The following VPS54 variants were observed in gnomAD, a reference collection of about 807,000 sequenced individuals.
VPS54 encodes vacuolar protein sorting-associated protein 54.
VPS54 carries 45 observed loss-of-function variants against 121.5 expected under a neutral mutation model. That is an observed-to-expected ratio of 0.37 (90% CI 0.29 to 0.47). VPS54 has a LOEUF of 0.47. Among genes scored for constraint, VPS54 ranks in the 20% least tolerant of loss-of-function variants. The pLI, the probability that VPS54 is intolerant of heterozygous loss-of-function variation, is 0.99. For synonymous variants in VPS54, 371 were observed against 385.8 expected (o/e 0.96, Z 0.45); for missense variants, 1,090 against 1,131.4 (o/e 0.96, Z 0.52).
At chr2:63,964,991 T>C (rs992683211) in intron 6 of VPS54, among the ~76,000 whole-genome samples, 3 of 152,182 alleles carry the variant, frequency 2.0e-5, no homozygotes, top group Non-Finnish European at 2.9e-5. Context: ...TTCTGGACTA[T>C]GACATTGTAA....
At chr2:63,913,722 C>G (rs1043002274) in intron 17 of VPS54, 6 of 438,632 alleles carry the variant, frequency 1.4e-5, no homozygotes, top group Non-Finnish European at 1.9e-5. Context: ...TTCCTCCGTA[C>G]TGGTAGTTTA....
At chr2:63,928,213 G>A (rs927627810) in intron 12 of VPS54, among the ~76,000 whole-genome samples, 6 of 152,038 alleles carry the variant, frequency 3.9e-5, no homozygotes, top group Non-Finnish European at 7.4e-5. Flanking sequence ...CATAATTGTC[G>A]GATTCACCAA....
At chr2:63,982,017 A>T in intron 2 of VPS54, 130 bp from the exon 3 acceptor site, 1 of 1,005,464 alleles carries the variant, frequency 9.9e-7, no homozygotes, top group Non-Finnish European at 1.4e-6. Flanking sequence ...ACAGTAAATG[A>T]TTTAATAAAA....
At chr2:63,954,560 A>G (rs749176051) in intron 7 of VPS54, among the ~76,000 whole-genome samples, 1 of 152,104 alleles carries the variant, frequency 6.6e-6, no homozygotes, top group Non-Finnish European at 1.5e-5. Context: ...GTGAATAAGT[A>G]AAGAAAGTGG....
chr2:63,902,217 A>G (rs1374917777), intron 20 of VPS54, among the ~76,000 whole-genome samples: 1 of 152,190 alleles, frequency 6.6e-6, no homozygotes, highest in Non-Finnish European at 1.5e-5. Flanking sequence ...CCTAGCAATG[A>G]GAGTCTGGAG....
intron 7 of VPS54, among the ~76,000 whole-genome samples, chr2:63,956,623 A>G (rs1012062402): frequency 6.6e-6 from 1 of 152,154 alleles, no homozygotes; most frequent in African/African-American, 2.4e-5. Flanking sequence ...CCCAAGTTGA[A>G]TCTCTACTGT....
intron 10 of VPS54, among the ~76,000 whole-genome samples, chr2:63,943,115 T>C (rs988436500): frequency 2.6e-5 from 4 of 152,168 alleles, no homozygotes; most frequent in African/African-American, 4.8e-5. Flanking sequence ...GTAAATATTA[T>C]ATGAGTTAAT....
intron 20 of VPS54, among the ~76,000 whole-genome samples, chr2:63,909,732 T>G (rs1171782952): frequency 6.7e-6 from 1 of 148,586 alleles, no homozygotes; most frequent in Non-Finnish European, 1.5e-5. Flanking sequence ...TTGGTTTTTT[T>G]TTTTTTTTTG....
intron 20 of VPS54, among the ~76,000 whole-genome samples, chr2:63,905,077 A>G (rs1672846019): frequency 6.6e-6 from 1 of 152,206 alleles, no homozygotes; most frequent in South Asian, 2.1e-4. Flanking sequence ...ACAGATTATC[A>G]AATGCTTATA....
chr2:63,986,228 A>G (rs900590723), intron 1 of VPS54, among the ~76,000 whole-genome samples: 3 of 151,844 alleles, frequency 2.0e-5, no homozygotes, highest in African/African-American at 4.8e-5. Context: ...CATTCTTTCT[A>G]TTTTTCTGTA....
Position 63,972,091 on chromosome 2 carries a change from A to C in VPS54, c.457+75T>G, listed in dbSNP as rs184933851. 8 of 907,526 alleles carry C rather than the reference A, an allele frequency of 8.8e-6. No individual in the cohort carries two copies. The East Asian group carries it at 2.3e-4, about 26-fold the overall frequency. 56.2% of individuals were successfully genotyped at this position (907,526 alleles called of 1,614,324 possible). A position where few individuals can be genotyped will look rare whatever the true frequency, so the allele number is the denominator to read the frequency against. ...AAAATTATAGATATAACAGGCAATA[A>C]GGTCCCAAAATAAAGATTTTGTTCA... On this transcript the variant is annotated intron_variant, in intron 4 of 22. Coordinates refer to ENST00000272322, the MANE Select transcript of VPS54 (RefSeq NM_016516.3).
intron 20 of VPS54, among the ~76,000 whole-genome samples, chr2:63,902,545 A>G (rs996170688): frequency 6.6e-6 from 1 of 152,208 alleles, no homozygotes; most frequent in Non-Finnish European, 1.5e-5. Flanking sequence ...TACAAGGTTC[A>G]GCATTTAATT....
intron 7 of VPS54, among the ~76,000 whole-genome samples, chr2:63,961,311 A>G (rs1559023308): frequency 1.3e-5 from 2 of 152,228 alleles, no homozygotes; most frequent in South Asian, 2.1e-4. Flanking sequence ...TCTTCAGTCA[A>G]TAAGATTTAT....
At chr2:63,950,455 T>A (rs1457333026) in intron 7 of VPS54, among the ~76,000 whole-genome samples, 1 of 152,090 alleles carries the variant, frequency 6.6e-6, no homozygotes, top group Non-Finnish European at 1.5e-5. Context: ...GGGTTCTGGG[T>A]GGACAGGGGC....
intron 12 of VPS54, among the ~76,000 whole-genome samples, chr2:63,926,432 T>C (rs773424013): frequency 6.6e-5 from 10 of 152,242 alleles, no homozygotes; most frequent in African/African-American, 2.2e-4. Flanking sequence ...AGCAGTGTTA[T>C]AGCTGACTTT....
At chr2:64,013,542 T>G (rs1678526511) in intron 1 of VPS54, among the ~76,000 whole-genome samples, 1 of 145,808 alleles carries the variant, frequency 6.9e-6, no homozygotes, top group African/African-American at 2.6e-5. Flanking sequence ...ATTAAGTAAA[T>G]GCTGATATAT....
At chr2:63,936,834 AAATG>A (rs1674478008) in intron 11 of VPS54, among the ~76,000 whole-genome samples, 1 of 152,196 alleles carries the variant, frequency 6.6e-6, no homozygotes, top group South Asian at 2.1e-4. Context: ...GAGAGCCCAC[AAATG>A]AACTCTCACA....
intron 1 of VPS54, among the ~76,000 whole-genome samples, chr2:63,998,891 C>T (rs1453821946): frequency 6.6e-6 from 1 of 152,066 alleles, no homozygotes; most frequent in Non-Finnish European, 1.5e-5. Context: ...GTTAGTTTTA[C>T]ATCTTCAGAT....
At chr2:63,896,015 T>G (rs1672431480) in intron 22 of VPS54, among the ~76,000 whole-genome samples, 1 of 152,210 alleles carries the variant, frequency 6.6e-6, no homozygotes, top group East Asian at 1.9e-4. Context: ...TTGAACAGCC[T>G]CTTTAAGGTA....
Sources: gnomAD v4.1 joint callset for allele counts (sites outside exome capture counted in the v4.1 genomes callset) on GRCh38, gnomAD v4.1.1 for gene constraint, MANE v1.5 for transcripts, NCBI Gene and HGNC (gene_info 2026-07-23, HGNC 2026-07-21) for gene names.